The following KRT80 variants were observed in gnomAD, a reference collection of about 807,000 sequenced individuals.
KRT80 encodes the protein keratin, type II cytoskeletal 80.
Under a neutral mutation model 51.5 loss-of-function variants are expected in KRT80, and 36 were observed. The ratio of observed to expected loss-of-function variants is 0.70; its 90% CI spans 0.54 to 0.92. KRT80 has a LOEUF of 0.92. Among genes scored for constraint, KRT80 ranks in the 40% least tolerant of loss-of-function variants. The pLI is 0.00. For synonymous variants in KRT80, 235 were observed against 248.3 expected, an observed-to-expected ratio of 0.95 and a Z score of 0.50; for missense variants, 566 against 591.7, an observed-to-expected ratio of 0.96 and a Z score of 0.45.
rs1941423716 is a variant in KRT80 at position 52,187,469 on chromosome 12, C to T, written c.301-1882G>A. 8.5e-5 allele frequency among the ~76,000 whole-genome samples: 13 copies of T among 152,220 alleles called. 3 individuals carry two copies. Among genetic ancestry groups the T allele is most frequent in the Admixed American group, 8.5e-4 (13 of 15,284 alleles). ...TGCCCTCTCTGCACCTTCGTAGGCT[C>T]CCGAACGGTCAGGTGGGGCCAGCCC... On this transcript the variant is annotated intron_variant, in intron 1 of 8. Coordinates refer to ENST00000394815, the MANE Select transcript of KRT80 (RefSeq NM_182507.3).
chr12:52,191,791 CG>C lies in KRT80; in HGVS notation c.111del (p.Pro39ArgfsTer20). On this transcript the variant is annotated frameshift_variant, in exon 1 of 9. Coordinates refer to ENST00000394815, the MANE Select transcript of KRT80 (RefSeq NM_182507.3). LOFTEE classifies it high-confidence loss of function. ...AGGCTGCGGGAGCTGAAGCCCGGCC[CG>C]GGGGCCCTGCAGCTGTCCCATCCTG... ...GTSGWDSCRAPGPGFSSRSLT... is the reference protein window; with the variant it reads ...GTSGWDSCRAXGPGFSSRSLT... 1 of 1,610,046 alleles carries C rather than the reference CG, an allele frequency of 6.2e-7. No homozygotes were observed. The highest frequency in any genetic ancestry group is 8.5e-7 in the Non-Finnish European group (1 of 1,178,426).
intron 2 of KRT80, among the ~76,000 whole-genome samples, chr12:52,182,509 T>C (rs1941341279): frequency 6.6e-6 from 1 of 152,196 alleles, no homozygotes; most frequent in Non-Finnish European, 1.5e-5. Context: ...ATTATAGTGA[T>C]GCTGTGACGA....
At position 52,175,579 on chromosome 12, in the gene KRT80, C is replaced by T. The variant is rs569077841; in HGVS notation, c.667-1815G>A. ...GCTAGGGCCCTGTGGGCAGCCTGTCCGGGAACTGACTCTGCCCACCAGCAC... is the reference window on the plus strand; with the variant it reads ...GCTAGGGCCCTGTGGGCAGCCTGTCTGGGAACTGACTCTGCCCACCAGCAC... On this transcript the variant is annotated intron_variant, in intron 4 of 8. Transcript: ENST00000394815. Among the ~76,000 whole-genome samples the T allele has an allele frequency of 5.8e-4, 89 of 152,142 alleles. 1 individual carries two copies. The highest frequency in any genetic ancestry group is 1.3e-3 in the Admixed American group (20 of 15,300).
In KRT80 at chr12:52,180,498, C is replaced by T. The variant is rs765047254; in HGVS notation, c.666+15G>A. On this transcript the variant is annotated intron_variant, in intron 4 of 8. Coordinates refer to ENST00000394815, the MANE Select transcript of KRT80 (RefSeq NM_182507.3). ...AGCTCTGGGCTTGGCAAGACACTGG[C>T]CCCATCTCACTCACCTGCTCATAGA... is the stretch of plus-strand genomic sequence containing the variant. 2.1e-6 allele frequency: 3 copies of T among 1,424,868 alleles called. No homozygotes were observed. Among genetic ancestry groups the T allele is most frequent in the Non-Finnish European group, 2.8e-6 (3 of 1,085,266 alleles). 88.3% of individuals were successfully genotyped at this position (1,424,868 alleles called of 1,614,324 possible).
At chr12:52,190,251 C>T (rs777487116) in intron 1 of KRT80, among the ~76,000 whole-genome samples, 10 of 152,320 alleles carry the variant, frequency 6.6e-5, no homozygotes, top group East Asian at 3.9e-4. Flanking sequence ...CCACTGACTT[C>T]GTGTCTCAAC....
chr12:52,191,339 A>G (rs1380041219), intron 1 of KRT80, among the ~76,000 whole-genome samples: 2 of 151,834 alleles, frequency 1.3e-5, no homozygotes, highest in Non-Finnish European at 2.9e-5. Context: ...GTGGTGGGTG[A>G]CCCCAGGTCA....
In KRT80 at chr12:52,191,647, C is replaced by T. The variant is rs763566942; in HGVS notation, c.256G>A (p.Glu86Lys). ...VQQLKNQEKE[E>K]MKALNDKFAS... ...AATTTATCATTGAGGGCCTTCATCT[C>T]CTCCTTCTCCTGGTTCTTCAGCTGC... Residue 86 changes from glutamate to lysine, a missense_variant, in exon 1 of 9, where the codon GAG becomes AAG. Glu to Lys is a moderately conservative substitution (Grantham distance 56). Coordinates refer to ENST00000394815, the MANE Select transcript of KRT80 (RefSeq NM_182507.3). 2.3e-5 allele frequency: 37 copies of T among 1,609,014 alleles called. No homozygotes were observed. Among genetic ancestry groups the T allele is most frequent in the Non-Finnish European group, 3.1e-5 (37 of 1,176,648 alleles).
Position 52,172,267 on chromosome 12 carries a change from A to T in KRT80, c.1109T>A (p.Met370Lys). The change falls in exon 7 of 9, where the codon ATG becomes AAG. Residue 370 changes from methionine to lysine, a missense_variant. By Grantham distance (95) the Met-to-Lys change is moderately conservative. Transcript: ENST00000394815. The part of the protein sequence containing the change: ...ARQLRKYQEL[M>K]NVKLALDIEI... ...GATGTCCAGGGCCAGCTTGACGTTCATCAGCTCCTGGTACTTGCGCAGCTG... is the reference window on the plus strand; with the variant it reads ...GATGTCCAGGGCCAGCTTGACGTTCTTCAGCTCCTGGTACTTGCGCAGCTG... 6.2e-7 allele frequency: 1 copy of T among 1,613,854 alleles called. No individual in the cohort carries two copies. Among genetic ancestry groups the T allele is most frequent in the Admixed American group, 1.7e-5 (1 of 60,018 alleles).
chr12:52,173,743 G>C lies in KRT80; in HGVS notation c.688C>G (p.Gln230Glu), dbSNP rs146066014. The change falls in exon 5 of 9, where the codon CAG becomes GAG. Residue 230 changes from glutamine to glutamate, a missense_variant. Gln to Glu is a conservative substitution (Grantham distance 29). Coordinates refer to ENST00000394815, the MANE Select transcript of KRT80 (RefSeq NM_182507.3). ...ACGGTCACCGACACATCCTTCACCT[G>C]TGCTGCCAGGTCCTTCAGCTCCTGA... ...YEQELKDLAA[Q>E]VKDVSVTVGM... 4.3e-4 allele frequency: 697 copies of C among 1,611,484 alleles called. 2 individuals carry two copies. In the African/African-American group the frequency reaches 8.1e-3, roughly 19 times the overall value.
intron 4 of KRT80, among the ~76,000 whole-genome samples, chr12:52,180,037 C>T (rs1043306903): frequency 9.2e-5 from 14 of 152,164 alleles, no homozygotes; most frequent in Admixed American, 2.6e-4. Context: ...GAAACAAATG[C>T]GAATGTTTCC....
chr12:52,176,673 C>G (rs1479101071), intron 4 of KRT80, among the ~76,000 whole-genome samples: 1 of 152,070 alleles, frequency 6.6e-6, no homozygotes, highest in Non-Finnish European at 1.5e-5. Context: ...TAGAGATGGG[C>G]TTTTACCATG....
chr12:52,181,698 G>A (rs552302740), intron 2 of KRT80, among the ~76,000 whole-genome samples: 17 of 152,292 alleles, frequency 1.1e-4, no homozygotes, highest in Admixed American at 1.0e-3. Context: ...CTTCTTACTC[G>A]CTCCCACCTT....
chr12:52,189,869 G>A (rs547929865), intron 1 of KRT80, among the ~76,000 whole-genome samples: 15 of 152,358 alleles, frequency 9.8e-5, no homozygotes, highest in African/African-American at 3.6e-4. Flanking sequence ...TCTTCCCTGT[G>A]CTTATATCCT....
Position 52,172,354 on chromosome 12 carries a change from G to C in KRT80, c.1022C>G (p.Ala341Gly). ...EEQGELAFQD[A>G]KTKLAQLEAA... ...CTCCAGCTGGGCCAGCTTGGTCTTG[G>C]CATCCTGGAAGGCCAGCTCACCCTG... The change falls in exon 7 of 9, where the codon GCC becomes GGC. Residue 341 changes from alanine to glycine, a missense_variant. Ala to Gly is a moderately conservative substitution (Grantham distance 60). Coordinates refer to ENST00000394815, the MANE Select transcript of KRT80 (RefSeq NM_182507.3). The C allele has an allele frequency of 6.2e-7, 1 of 1,614,186 alleles. No individual in the cohort carries two copies. The highest frequency in any genetic ancestry group is 1.1e-5 in the South Asian group (1 of 91,074).
chr12:52,179,381 G>C (rs1036454120), intron 4 of KRT80, among the ~76,000 whole-genome samples: 1 of 152,228 alleles, frequency 6.6e-6, no homozygotes, highest in Non-Finnish European at 1.5e-5. Context: ...TGGCTGTGGG[G>C]GGATTTGTTA....
chr12:52,183,288 C>CCAG (rs1208194282), intron 2 of KRT80, among the ~76,000 whole-genome samples: 13 of 152,234 alleles, frequency 8.5e-5, no homozygotes, highest in Non-Finnish European at 1.6e-4. Flanking sequence ...CTGTCAGCCA[C>CCAG]CAGCTCCCAA....
intron 1 of KRT80, among the ~76,000 whole-genome samples, chr12:52,187,775 G>A (rs956758696): frequency 6.6e-6 from 1 of 152,102 alleles, no homozygotes; most frequent in African/African-American, 2.4e-5. Context: ...AGCGTTGGGG[G>A]GGCAGGTATC....
At chr12:52,190,589 T>C (rs1941464892) in intron 1 of KRT80, among the ~76,000 whole-genome samples, 1 of 152,240 alleles carries the variant, frequency 6.6e-6, no homozygotes, top group African/African-American at 2.4e-5. Context: ...GCTGGACCTC[T>C]GGTTTACTGG....
Position 52,185,602 on chromosome 12 carries a change from A to G in KRT80, c.301-15T>C, listed in dbSNP as rs1245730020. On this transcript the variant is annotated splice_polypyrimidine_tract_variant and intron_variant, in intron 1 of 8. Coordinates refer to ENST00000394815, the MANE Select transcript of KRT80 (RefSeq NM_182507.3). ...AGGGCTTGCACCTGGGAGAGCAGGA[A>G]GGCGGCGAATGGGTCAGGTGTGGAC... is the stretch of plus-strand genomic sequence containing the variant. 2 of 1,602,488 alleles carry G rather than the reference A, an allele frequency of 1.2e-6. No individual in the cohort carries two copies. Among genetic ancestry groups the G allele is most frequent in the Non-Finnish European group, 1.7e-6 (2 of 1,179,366 alleles).
Sources: gnomAD v4.1 joint callset for allele counts (sites outside exome capture counted in the v4.1 genomes callset) on GRCh38, gnomAD v4.1.1 for gene constraint, MANE v1.5 for transcripts, NCBI Gene and HGNC (gene_info 2026-07-23, HGNC 2026-07-21) for gene names.